Variants in RBL2 observed in about 807,000 individuals in gnomAD.
RBL2 encodes RB transcriptional corepressor like 2.
Under a neutral mutation model 126.0 loss-of-function variants are expected in RBL2, and 56 were observed. The ratio of observed to expected loss-of-function variants is 0.44; its 90% CI spans 0.36 to 0.56. The LOEUF is 0.56. RBL2 is among the 20% of genes least tolerant of loss of function. The pLI is 0.00. For synonymous variants in RBL2, 454 were observed against 478.5 expected (o/e 0.95, Z 0.67); for missense variants, 1,229 against 1,398.2 (o/e 0.88, Z 1.93).
chr16:53,486,901 C>A (rs138561339), intron 21 of RBL2, among the ~76,000 whole-genome samples: 2 of 152,150 alleles, frequency 1.3e-5, no homozygotes, highest in African/African-American at 4.8e-5. Context: ...AAATGTATTT[C>A]TATATGCTAG....
intron 4 of RBL2, among the ~76,000 whole-genome samples, chr16:53,447,645 T>A (rs2058075195): frequency 6.6e-6 from 1 of 152,122 alleles, no homozygotes; most frequent in Admixed American, 6.6e-5. Context: ...TTGTATTTAT[T>A]TATTTATTTA....
chr16:53,448,417 A>G (rs537087426), intron 4 of RBL2, among the ~76,000 whole-genome samples: 1 of 152,244 alleles, frequency 6.6e-6, no homozygotes, highest in African/African-American at 2.4e-5. Context: ...TCAGCCTCCC[A>G]AAGTGCTGGG....
Position 53,436,876 on chromosome 16 carries a change from G to C in RBL2, c.240+2080G>C, listed in dbSNP as rs374450311. On this transcript the variant is annotated intron_variant, in intron 1 of 21. Transcript: ENST00000262133. ...TGAGGATAACTTTTTTAGTATTATG[G>C]AATTTTCAACATATATTTTTTAGGA... Among the ~76,000 whole-genome samples, 130 of 152,168 alleles carry C rather than the reference G, an allele frequency of 8.5e-4. 6 individuals are homozygous for C. The South Asian group carries it at 0.026, about 30-fold the overall frequency.
At chr16:53,484,434 T>C (rs919255332) in intron 21 of RBL2, among the ~76,000 whole-genome samples, 1 of 152,174 alleles carries the variant, frequency 6.6e-6, no homozygotes, top group Admixed American at 6.5e-5. Flanking sequence ...AGGACCAAAC[T>C]ATATGTTGTT....
rs2058224268 is a variant in RBL2, at chr16:53,461,838, A to G, written c.1444A>G (p.Asn482Asp). The G allele has an allele frequency of 6.2e-7, 1 of 1,610,154 alleles. No individual in the cohort carries two copies. Among genetic ancestry groups the G allele is most frequent in the Admixed American group, 1.7e-5 (1 of 59,880 alleles). Reference sequence around the variant, plus strand: ...TTTCCAGCCAGACGAGGATTTCAGTAATTGTGCTAAAGGTAAGGTTTAACA... The same window carrying G: ...TTTCCAGCCAGACGAGGATTTCAGTGATTGTGCTAAAGGTAAGGTTTAACA... Reference protein sequence around the residue: ...QHFQPDEDFSNCAKEIASKHF... With the variant: ...QHFQPDEDFSDCAKEIASKHF... The change falls in exon 10 of 22, where the codon AAT becomes GAT. Residue 482 changes from asparagine (N) to aspartate (D), a missense_variant. This residue lies in a region of RBL2 where 1,070 missense variants were observed against 1,274.3 expected (regional missense o/e 0.84). Transcript: ENST00000262133.
intron 21 of RBL2, among the ~76,000 whole-genome samples, chr16:53,482,748 T>G (rs551022494): frequency 8.7e-5 from 13 of 149,718 alleles, no homozygotes; most frequent in African/African-American, 3.2e-4. Context: ...AGGTGGAGGT[T>G]GCAGTGAGCA....
chr16:53,471,935 C>T (rs1034443445), intron 17 of RBL2, among the ~76,000 whole-genome samples: 8 of 152,190 alleles, frequency 5.3e-5, no homozygotes, highest in African/African-American at 1.9e-4. Context: ...TTCTACCTCC[C>T]ACAGCACCTG....
At chr16:53,472,747 T>C (rs900076556) in intron 17 of RBL2, among the ~76,000 whole-genome samples, 1 of 152,232 alleles carries the variant, frequency 6.6e-6, no homozygotes, top group Non-Finnish European at 1.5e-5. Context: ...TGAAGTCCAG[T>C]TACCTGTTTT....
Position 53,442,734 on chromosome 16 carries a change from G to C in RBL2, c.448G>C (p.Glu150Gln). Residue 150 changes from glutamate (E) to glutamine (Q), a missense_variant, in exon 3 of 22, where the codon GAG becomes CAG. Physicochemically the swap from Glu to Gln is conservative, Grantham distance 29 (BLOSUM62 2). Around this residue, in one of 2 missense-constraint regions of RBL2, gnomAD observed 1,070 missense variants for 1,274.3 expected, o/e 0.84. Coordinates refer to ENST00000262133, the MANE Select transcript of RBL2 (RefSeq NM_005611.4). ...NLPPHFRERT[E>Q]RLERNFTVSA... ...ACCCCCACATTTCAGAGAACGTACT[G>C]AGAGATTAGAAAGAAACTTCACTGT... is the stretch of plus-strand genomic sequence containing the variant. 1 of 1,613,602 alleles carries C rather than the reference G, an allele frequency of 6.2e-7. No homozygotes were observed.
chr16:53,453,329 T>C (rs2058133795), intron 5 of RBL2, 123 bp from the exon 6 acceptor site: 12 of 849,236 alleles, frequency 1.4e-5, no homozygotes, highest in Middle Eastern at 2.6e-4. Context: ...CCATATATAC[T>C]GTTTCCTATA....
Position 53,480,788 on chromosome 16 carries a change from A to G in RBL2, c.3084+19A>G, listed in dbSNP as rs1355807806. The G allele has an allele frequency of 2.5e-6, 4 of 1,593,468 alleles. No homozygotes were observed. Among genetic ancestry groups the G allele is most frequent in the Non-Finnish European group, 3.4e-6 (4 of 1,163,092 alleles). On this transcript the variant is annotated intron_variant, in intron 20 of 21. Coordinates refer to ENST00000262133, the MANE Select transcript of RBL2 (RefSeq NM_005611.4). ...GGCAAATGTAAGTATGACAGGGATT[A>G]TTTCATACTTTTTTCACTCATGAGT...
intron 1 of RBL2, 118 bp downstream of exon 1, chr16:53,434,914 G>A (rs1385403060): frequency 7.3e-7 from 1 of 1,361,674 alleles, no homozygotes. Flanking sequence ...GCCCCGAGAG[G>A]GGTGGGGACT....
At chr16:53,480,173 T>C in intron 19 of RBL2, 182 bp downstream of exon 19, 1 of 562,024 alleles carries the variant, frequency 1.8e-6, no homozygotes, top group Non-Finnish European at 3.2e-6. Flanking sequence ...GGGGCACATA[T>C]TATGTAACAT....
intron 8 of RBL2, 119 bp from the exon 9 acceptor site, chr16:53,459,332 A>G (rs1301665613): frequency 1.3e-5 from 10 of 760,730 alleles, no homozygotes; most frequent in Middle Eastern, 3.8e-4. Context: ...TTGATATTGT[A>G]AAGATAAAGT....
At chr16:53,435,776 T>C (rs1331290489) in intron 1 of RBL2, 1 of 1,263,064 alleles carries the variant, frequency 7.9e-7, no homozygotes, top group African/African-American at 1.5e-5. Flanking sequence ...TTTGGCTATG[T>C]GTACTGATGA....
chr16:53,443,042 T>G (rs1009838881), intron 3 of RBL2, among the ~76,000 whole-genome samples, 184 bp downstream of exon 3: 7 of 152,090 alleles, frequency 4.6e-5, no homozygotes, highest in African/African-American at 1.7e-4. Flanking sequence ...GAAGAGTGGC[T>G]TTTTTCATAT....
chr16:53,491,199 A>G lies in RBL2; in HGVS notation c.*899A>G, dbSNP rs1393041492. 6.6e-6 allele frequency: 1 copy of G among 152,284 alleles called. No individual in the cohort carries two copies. Among genetic ancestry groups the G allele is most frequent in the African/African-American group, 2.4e-5 (1 of 41,456 alleles). The allele number at this position is 152,284 out of a possible 1,614,324, so 9.4% of individuals were successfully genotyped here. ...ATCAAGTTGAATTGAGGGGATTAAT[A>G]TGAAAACTTATGACCTCTTCCTTTA... On this transcript the variant is annotated 3_prime_UTR_variant, in exon 22 of 22. Coordinates refer to ENST00000262133, the MANE Select transcript of RBL2 (RefSeq NM_005611.4).
chr16:53,482,361 G>A (rs141648031), intron 21 of RBL2, among the ~76,000 whole-genome samples: 1 of 152,336 alleles, frequency 6.6e-6, no homozygotes, highest in East Asian at 1.9e-4. Context: ...AGCTGTTGAG[G>A]TATGGAAGGG....
chr16:53,479,032 G>T, intron 17 of RBL2, 122 bp from the exon 18 acceptor site: 1 of 740,212 alleles, frequency 1.4e-6, no homozygotes. Context: ...ACCATTTCCA[G>T]AGACTTTAAA....
Sources: allele counts gnomAD v4.1 joint callset (sites outside exome capture counted in the v4.1 genomes callset), GRCh38; gene constraint gnomAD v4.1.1; regional missense constraint gnomAD v4.1.1; transcripts MANE v1.5; gene names NCBI Gene and HGNC (gene_info 2026-07-23, HGNC 2026-07-21).